SVBP: variants seen among roughly 807,000 people sequenced by gnomAD.
SVBP encodes the protein small vasohibin binding protein, also known as small vasohibin-binding protein.
In SVBP, 9 loss-of-function variants were observed where a neutral mutation model predicts 9.2. The observed-to-expected ratio is 0.98, with a 90% CI of 0.59 to 1.71. The LOEUF (loss-of-function observed/expected upper bound fraction) is 1.71, where lower values mean the gene tolerates loss of function less well. Among genes scored for constraint, SVBP ranks in the 40% most tolerant of loss-of-function variants. The pLI is 0.00. For missense variants in SVBP, 63 were observed against 73.2 expected, an observed-to-expected ratio of 0.86 and a Z score of 0.51; for synonymous variants, 27 against 23.9, an observed-to-expected ratio of 1.13 and a Z score of -0.37.
intron 2 of SVBP, chr1:42,813,647 G>A (rs1170210275): frequency 3.8e-6 from 2 of 529,008 alleles, no homozygotes; most frequent in South Asian, 2.8e-5. Context: ...GCTGGCAACT[G>A]GTTCTCCATT....
chr1:42,808,872 T>C (rs1046436386), intron 2 of SVBP, among the ~76,000 whole-genome samples: 3 of 152,044 alleles, frequency 2.0e-5, no homozygotes, highest in Non-Finnish European at 4.4e-5. Flanking sequence ...AAGTTTTGTA[T>C]TTTTAGTAGA....
At chr1:42,813,897 G>A (rs986188011) in intron 2 of SVBP, 1 of 244,610 alleles carries the variant, frequency 4.1e-6, no homozygotes, top group South Asian at 4.4e-5. Context: ...AGCTCTCAGG[G>A]GGTCTGCCTT....
chr1:42,814,593 G>A (rs1478632091), intron 2 of SVBP, among the ~76,000 whole-genome samples: 2 of 115,936 alleles, frequency 1.7e-5, no homozygotes, highest in East Asian at 2.8e-4. Context: ...TCCAGCCTGG[G>A]TGACAGAGCA....
At position 42,817,202 on chromosome 1, in the gene SVBP, G is replaced by C. The variant is rs1430677897; in HGVS notation, c.-49C>G. The C allele has an allele frequency of 8.0e-7, 1 of 1,255,482 alleles. No individual in the cohort carries two copies. Among genetic ancestry groups the C allele is most frequent in the Non-Finnish European group, 1.0e-6 (1 of 973,790 alleles). The allele number at this position is 1,255,482 out of a possible 1,614,324, so 77.8% of individuals were successfully genotyped here. A position where few individuals can be genotyped will look rare whatever the true frequency, so the allele number is the denominator to read the frequency against. On this transcript the variant is annotated 5_prime_UTR_variant, in exon 1 of 3. Transcript: ENST00000372521. ...TGGGAGTCTGTACCTTTCCCGACCG[G>C]GCCACTGGAAGTTGGAGCCTCCGCC...
At chr1:42,808,425 GTA>G (rs536738348) in intron 2 of SVBP, among the ~76,000 whole-genome samples, 1 of 141,794 alleles carries the variant, frequency 7.1e-6, no homozygotes, top group African/African-American at 2.6e-5. Context: ...ACTGTATACA[GTA>G]TATATATAAG....
rs925586313 is a variant in SVBP at position 42,815,695 on chromosome 1, T to A, written c.114+736A>T. ...GCATGAATAGTTCTAAAAAACAATG[T>A]AAGCAAAATGCAAAATAAAATGCAG... is the stretch of plus-strand genomic sequence containing the variant. On this transcript the variant is annotated intron_variant, in intron 2 of 2. Coordinates refer to ENST00000372521, the MANE Select transcript of SVBP (RefSeq NM_199342.4). Among the ~76,000 whole-genome samples, 3 of 152,094 alleles carry A rather than the reference T, an allele frequency of 2.0e-5. No individual in the cohort carries two copies. The South Asian group carries it at 6.2e-4, about 32-fold the overall frequency.
rs763156879 is a variant in SVBP, at chr1:42,816,470, T to C, written c.75A>G (p.Lys25=). The part of the protein sequence containing the change: ...SVSRVEKAKQ[K]SAQQELKQRQ... ...TCTGCTTCAGCTCCTGCTGGGCTGA[T>C]TTCTGTTTGGCCTTCTCAACTCTGC... Residue 25 remains lysine (K), a synonymous_variant, in exon 2 of 3, where the codon AAA becomes AAG. Transcript: ENST00000372521. The C allele has an allele frequency of 3.7e-6, 6 of 1,614,156 alleles. No homozygotes were observed. The Admixed American group carries it at 1.0e-4, about 27-fold the overall frequency.
chr1:42,813,861 G>A (rs900840060), intron 2 of SVBP: 7 of 310,296 alleles, frequency 2.3e-5, no homozygotes, highest in Non-Finnish European at 1.3e-5. Context: ...CCGGATCCAG[G>A]TGGGAATGGG....
At chr1:42,808,371 CTATATAGTATATATAGGCTATATATAG>C (rs1287430223) in intron 2 of SVBP, among the ~76,000 whole-genome samples, 3 of 141,692 alleles carry the variant, frequency 2.1e-5, no homozygotes, top group Non-Finnish European at 3.0e-5. Context: ...GGTATATATA[CTATATAGTATATATAGGCTATATATAG>C]TATATAAGCT....
intron 2 of SVBP, among the ~76,000 whole-genome samples, chr1:42,810,360 A>G (rs1316817950): frequency 6.6e-6 from 1 of 151,938 alleles, no homozygotes; most frequent in Non-Finnish European, 1.5e-5. Context: ...GTTGGCCAGG[A>G]TGGTCTTGAT....
intron 1 of SVBP, 53 bp from the exon 2 acceptor site, chr1:42,816,633 C>A (rs1473871757): frequency 5.5e-6 from 5 of 903,462 alleles, no homozygotes; most frequent in Non-Finnish European, 8.9e-6. Flanking sequence ...ACAAAAAATA[C>A]CCTGCCAGTT....
At chr1:42,815,199 C>T (rs1271424663) in intron 2 of SVBP, among the ~76,000 whole-genome samples, 1 of 126,612 alleles carries the variant, frequency 7.9e-6, no homozygotes, top group Non-Finnish European at 1.6e-5. Flanking sequence ...AGGGGAACAT[C>T]ACACACCAGG....
At chr1:42,812,879 TA>T (rs1557599115) in intron 2 of SVBP, among the ~76,000 whole-genome samples, 2 of 152,180 alleles carry the variant, frequency 1.3e-5, no homozygotes, top group African/African-American at 4.8e-5. Flanking sequence ...ATAATATTTT[TA>T]AAAAAACAGG....
At chr1:42,808,137 G>GTA (rs1557597331) in intron 2 of SVBP, among the ~76,000 whole-genome samples, 3 of 36,084 alleles carry the variant, frequency 8.3e-5, no homozygotes, top group South Asian at 1.3e-3. Flanking sequence ...TGAATATAGT[G>GTA]TGTGTGTGTG....
At chr1:42,810,461 T>C (rs898403111) in intron 2 of SVBP, among the ~76,000 whole-genome samples, 5 of 152,102 alleles carry the variant, frequency 3.3e-5, no homozygotes, top group Non-Finnish European at 7.3e-5. Flanking sequence ...TATATACATA[T>C]ATATTTGAAA....
rs78990257 is a variant in SVBP, at chr1:42,815,721, G to A, written c.114+710C>T. Among the ~76,000 whole-genome samples the A allele has an allele frequency of 9.6e-3, 1,465 of 152,090 alleles. 9 individuals carry two copies. Among genetic ancestry groups the A allele is most frequent in the Non-Finnish European group, 0.016 (1,088 of 68,000 alleles). On this transcript the variant is annotated intron_variant, in intron 2 of 2. Transcript: ENST00000372521. Reference sequence around the variant, plus strand: ...AAGCAAAATGCAAAATAAAATGCAGGAATTTTATTAATGTAAAAATTTAAA... The same window carrying A: ...AAGCAAAATGCAAAATAAAATGCAGAAATTTTATTAATGTAAAAATTTAAA...
intron 2 of SVBP, chr1:42,813,613 T>A: frequency 1.9e-6 from 1 of 529,310 alleles, no homozygotes; most frequent in Non-Finnish European, 3.8e-6. Flanking sequence ...TCACTTTTGA[T>A]TGGTGTGAGG....
At chr1:42,817,115 T>G in intron 1 of SVBP, 75 bp downstream of exon 1, 1 of 849,242 alleles carries the variant, frequency 1.2e-6, no homozygotes, top group Non-Finnish European at 1.5e-6. Flanking sequence ...GGCCCCCGCC[T>G]CCTGCCCTCT....
intron 1 of SVBP, 183 bp downstream of exon 1, chr1:42,817,007 G>A: frequency 3.3e-6 from 1 of 300,778 alleles, no homozygotes; most frequent in Non-Finnish European, 4.9e-6. Flanking sequence ...CGCAGCAGCC[G>A]CTCCTGGGGC....
Sources: gnomAD v4.1 joint callset for allele counts (sites outside exome capture counted in the v4.1 genomes callset) on GRCh38, gnomAD v4.1.1 for gene constraint, MANE v1.5 for transcripts, NCBI Gene and HGNC (gene_info 2026-07-23, HGNC 2026-07-21) for gene names.